DSCAML1: variants seen among roughly 807,000 people sequenced by gnomAD.
DSCAML1 encodes DS cell adhesion molecule like 1.
A neutral mutation model predicts 200.5 loss-of-function variants in DSCAML1; 38 were observed. The ratio of observed to expected loss-of-function variants is 0.19; its 90% CI spans 0.15 to 0.25. The LOEUF is 0.25. Among genes scored for constraint, DSCAML1 ranks in the 10% least tolerant of loss-of-function variants. The pLI, the probability that DSCAML1 is intolerant of heterozygous loss-of-function variation, is 1.00. For synonymous variants in DSCAML1, 1,215 were observed against 1,165.0 expected (o/e 1.04, Z -0.87); for missense variants, 2,223 against 2,858.8 (o/e 0.78, Z 5.07).
Position 117,428,466 on chromosome 11 carries a change from G to A in DSCAML1, c.6024C>T (p.Thr2008=), listed in dbSNP as rs576671392. 40 of 1,524,304 alleles carry A rather than the reference G, an allele frequency of 2.6e-5. No individual in the cohort carries two copies. Among genetic ancestry groups the A allele is most frequent in the East Asian group, 9.2e-5 (4 of 43,660 alleles). 94.4% of individuals were successfully genotyped at this position (1,524,304 alleles called of 1,614,324 possible). ...APSAAPPAPS[T]EPPRAGGPHT... ...GTGGGCCCCCGGCTCGTGGAGGCTC[G>A]GTGCTGGGGGCCGGAGGGGCAGCGC... The change falls in exon 33 of 33, where the codon ACC becomes ACT. Residue 2008 remains threonine, a synonymous_variant. Coordinates refer to ENST00000651296, the MANE Select transcript of DSCAML1 (RefSeq NM_020693.4).
intron 3 of DSCAML1, among the ~76,000 whole-genome samples, chr11:117,687,897 A>T (rs536789399): frequency 4.0e-4 from 61 of 152,292 alleles, no homozygotes; most frequent in African/African-American, 1.4e-3. Flanking sequence ...ATCTGACCAC[A>T]TTTGTCCTCA....
intron 1 of DSCAML1, among the ~76,000 whole-genome samples, chr11:117,805,473 G>A (rs975109697): frequency 5.3e-5 from 8 of 152,316 alleles, no homozygotes; most frequent in Admixed American, 2.0e-4. Context: ...TGCAAAAACT[G>A]ATCTATGGTC....
At chr11:117,614,580 C>T (rs1158656347) in intron 3 of DSCAML1, among the ~76,000 whole-genome samples, 1 of 152,172 alleles carries the variant, frequency 6.6e-6, no homozygotes, top group African/African-American at 2.4e-5. Flanking sequence ...TTTAAAACAA[C>T]CTTATGAGAA....
chr11:117,811,919 G>A (rs112667171), intron 1 of DSCAML1, among the ~76,000 whole-genome samples: 1 of 152,118 alleles, frequency 6.6e-6, no homozygotes, highest in Non-Finnish European at 1.5e-5. Context: ...ACTGCTGTGC[G>A]TATTGACAGC....
intron 3 of DSCAML1, among the ~76,000 whole-genome samples, chr11:117,634,210 A>G (rs1253728581): frequency 6.6e-6 from 1 of 152,024 alleles, no homozygotes; most frequent in African/African-American, 2.4e-5. Context: ...GAGGTGTAGG[A>G]GAGTGTGGAC....
chr11:117,476,616 G>A lies in DSCAML1; in HGVS notation c.2785+3827C>T, dbSNP rs1324721576. Among the ~76,000 whole-genome samples the A allele has an allele frequency of 2.6e-5, 4 of 152,362 alleles. No homozygotes were observed. The South Asian group carries it at 8.3e-4, about 32-fold the overall frequency. The stretch of plus-strand genomic sequence containing the variant: ...CTCAAAGAACCCATCCTTGCTCTGT[G>A]CTTGGTGAACAGGGGCGAAATGTGG... On this transcript the variant is annotated intron_variant, in intron 14 of 32. Transcript: ENST00000651296.
chr11:117,625,672 G>A (rs770441503), intron 3 of DSCAML1, among the ~76,000 whole-genome samples: 4 of 152,176 alleles, frequency 2.6e-5, no homozygotes, highest in South Asian at 2.1e-4. Context: ...TCCTGCAGGC[G>A]TCTCCATGGT....
intron 3 of DSCAML1, among the ~76,000 whole-genome samples, chr11:117,603,280 G>T (rs565270140): frequency 1.1e-3 from 171 of 152,298 alleles, no homozygotes; most frequent in Non-Finnish European, 1.9e-3. Flanking sequence ...AGTGACCTTG[G>T]TCCCAGTTTT....
intron 1 of DSCAML1, among the ~76,000 whole-genome samples, chr11:117,788,182 G>A (rs1323147966): frequency 6.6e-6 from 1 of 152,240 alleles, no homozygotes; most frequent in East Asian, 1.9e-4. Flanking sequence ...TGGACAAGAG[G>A]AAGCAGCGGG....
At chr11:117,434,016 G>C (rs1457957065) in intron 27 of DSCAML1, among the ~76,000 whole-genome samples, 1 of 152,220 alleles carries the variant, frequency 6.6e-6, no homozygotes, top group Non-Finnish European at 1.5e-5. Context: ...CCTTGAATAA[G>C]ATCAGGACTC....
At chr11:117,575,570 T>C (rs891330492) in intron 3 of DSCAML1, among the ~76,000 whole-genome samples, 4 of 152,210 alleles carry the variant, frequency 2.6e-5, no homozygotes, top group South Asian at 2.1e-4. Context: ...GACTCCTGCA[T>C]GAGAAGAGCT....
At chr11:117,697,921 G>A (rs58789559) in intron 3 of DSCAML1, among the ~76,000 whole-genome samples, 10,777 of 151,940 alleles carry the variant, frequency 0.071, 405 homozygotes, top group East Asian at 0.14. Flanking sequence ...ACAGGTGCAC[G>A]CCACCACACC....
At chr11:117,690,753 G>A (rs1422899473) in intron 3 of DSCAML1, among the ~76,000 whole-genome samples, 2 of 152,114 alleles carry the variant, frequency 1.3e-5, no homozygotes, top group African/African-American at 4.8e-5. Flanking sequence ...TTTATCATCT[G>A]GAAACAGAAA....
intron 1 of DSCAML1, among the ~76,000 whole-genome samples, chr11:117,806,373 C>T (rs1190551719): frequency 1.3e-5 from 2 of 152,216 alleles, no homozygotes; most frequent in Non-Finnish European, 2.9e-5. Flanking sequence ...GACACCCACA[C>T]ATCTGGCACA....
intron 23 of DSCAML1, 83 bp downstream of exon 23, chr11:117,439,183 C>T (rs2047987399): frequency 1.5e-5 from 24 of 1,549,184 alleles, no homozygotes; most frequent in Non-Finnish European, 1.8e-5. Flanking sequence ...TTCTTCCATT[C>T]GATGACCCTC....
chr11:117,742,589 G>A (rs1398715380), intron 3 of DSCAML1, among the ~76,000 whole-genome samples: 2 of 152,230 alleles, frequency 1.3e-5, no homozygotes, highest in Non-Finnish European at 2.9e-5. Flanking sequence ...AGACAAAGCA[G>A]GGCAGCTCCA....
At chr11:117,658,330 T>C (rs2052774244) in intron 3 of DSCAML1, among the ~76,000 whole-genome samples, 1 of 152,206 alleles carries the variant, frequency 6.6e-6, no homozygotes, top group African/African-American at 2.4e-5. Context: ...TTGCCCCTTC[T>C]AGCTCACAGT....
rs1260479784 is a variant in DSCAML1, at chr11:117,694,268, T to C, written c.511+82523A>G. The stretch of plus-strand genomic sequence containing the variant: ...AAATACAAAAATTAGCTGGGCGTGG[T>C]GGCAGGTGCCTGTAATCCCAGCTAC... On this transcript the variant is annotated intron_variant, in intron 3 of 32. Transcript: ENST00000651296. 2.6e-5 allele frequency among the ~76,000 whole-genome samples: 4 copies of C among 151,836 alleles called. No homozygotes were observed. In the East Asian group the frequency reaches 7.8e-4, roughly 29 times the overall value.
chr11:117,507,626 C>G (rs556626065), intron 8 of DSCAML1, among the ~76,000 whole-genome samples: 1 of 152,318 alleles, frequency 6.6e-6, no homozygotes, highest in South Asian at 2.1e-4. Context: ...CTCGCGCTCA[C>G]TCCAGCCTGT....
Sources: allele counts gnomAD v4.1 joint callset (sites outside exome capture counted in the v4.1 genomes callset), GRCh38; gene constraint gnomAD v4.1.1; transcripts MANE v1.5; gene names NCBI Gene and HGNC (gene_info 2026-07-23, HGNC 2026-07-21).